The following ATXN2 variants were observed in gnomAD, a reference collection of about 807,000 sequenced individuals.
The protein encoded by ATXN2 is ataxin 2.
ATXN2 carries 37 observed loss-of-function variants against 138.6 expected under a neutral mutation model. That is an observed-to-expected ratio of 0.27 (90% CI 0.21 to 0.35). The LOEUF is 0.35. ATXN2 is among the 10% of genes least tolerant of loss of function. ATXN2 has a pLI of 1.00. For missense variants in ATXN2, 1,216 were observed against 1,480.3 expected (o/e 0.82, Z 2.93); for synonymous variants, 549 against 543.7 (o/e 1.01, Z -0.13).
intron 5 of ATXN2, among the ~76,000 whole-genome samples, chr12:111,531,279 G>A (rs1191375042): frequency 6.6e-6 from 1 of 152,042 alleles, no homozygotes; most frequent in African/African-American, 2.4e-5. Flanking sequence ...TAGGCGTGGT[G>A]GTACACGCCT....
At chr12:111,585,801 C>CAGA (rs1884291188) in intron 1 of ATXN2, among the ~76,000 whole-genome samples, 1 of 24,772 alleles carries the variant, frequency 4.0e-5, no homozygotes, top group Non-Finnish European at 1.9e-4. Context: ...AACTCCATCT[C>CAGA]AAAAAAAAAA....
intron 15 of ATXN2, among the ~76,000 whole-genome samples, chr12:111,487,927 CCAAACACCTAAGT>C (rs1157653865): frequency 6.6e-6 from 1 of 152,042 alleles, no homozygotes; most frequent in African/African-American, 2.4e-5. Flanking sequence ...TGTTTGGTAC[CCAAACACCTAAGT>C]CAATGGTAGT....
At position 111,541,800 on chromosome 12, in the gene ATXN2, A is replaced by AT. The variant is rs200306299; in HGVS notation, c.571+10479dup. Among the ~76,000 whole-genome samples the AT allele has an allele frequency of 6.7e-4, 95 of 141,626 alleles. 1 individual carries two copies. Among genetic ancestry groups the AT allele is most frequent in the Admixed American group, 1.6e-3 (22 of 13,950 alleles). 92.9% of individuals were successfully genotyped at this position (141,626 alleles called of 152,430 possible). ...GGATATATATATATATATTATAAAA[A>AT]TTTTTTTTTTTTTGAGATGGAGTCA... On this transcript the variant is annotated intron_variant, in intron 5 of 24. Transcript: ENST00000673436.
rs550499052 is a variant in ATXN2 at position 111,463,972 on chromosome 12, G to A, written c.2896+690C>T. On this transcript the variant is annotated intron_variant, in intron 21 of 24. Coordinates refer to ENST00000673436, the MANE Select transcript of ATXN2 (RefSeq NM_001372574.1). Reference sequence around the variant, plus strand: ...TGGCTGATTTTTGTATTTTTTAGTAGAGATGGAGTTTTACCATGTTGGCTA... The same window carrying A: ...TGGCTGATTTTTGTATTTTTTAGTAAAGATGGAGTTTTACCATGTTGGCTA... Among the ~76,000 whole-genome samples the A allele has an allele frequency of 6.2e-4, 95 of 152,080 alleles. 1 individual carries two copies. The highest frequency in any genetic ancestry group is 3.4e-3 in the Middle Eastern group (1 of 292).
In ATXN2 at chr12:111,599,145, C is replaced by G. The variant is rs1270920236; in HGVS notation, c.-111G>C. On this transcript the variant is annotated 5_prime_UTR_variant, in exon 1 of 25. Transcript: ENST00000673436. ...GACGCGCGGGCGCCGAGCGGGGAGG[C>G]GCGGGTTGGCGCGGCCGGAGGGGCG... 1 of 1,211,306 alleles carries G rather than the reference C, an allele frequency of 8.3e-7. No individual in the cohort carries two copies. The highest frequency in any genetic ancestry group is 1.6e-5 in the African/African-American group (1 of 62,756). 75.0% of individuals were successfully genotyped at this position (1,211,306 alleles called of 1,614,324 possible).
intron 5 of ATXN2, among the ~76,000 whole-genome samples, chr12:111,525,681 G>A (rs900716565): frequency 1.4e-5 from 2 of 139,618 alleles, no homozygotes; most frequent in East Asian, 2.8e-4. Flanking sequence ...TAAGCCACAC[G>A]AAGCATTTTT....
chr12:111,531,830 C>T (rs959064242), intron 5 of ATXN2, among the ~76,000 whole-genome samples: 3 of 152,088 alleles, frequency 2.0e-5, no homozygotes, highest in African/African-American at 4.8e-5. Context: ...AATCCATGGG[C>T]CCCTTCAATA....
intron 6 of ATXN2, 74 bp downstream of exon 6, chr12:111,525,118 C>A (rs1174145024): frequency 4.6e-6 from 7 of 1,511,682 alleles, no homozygotes; most frequent in Non-Finnish European, 5.3e-6. Context: ...AACAAAAGCA[C>A]ATTTAAATTA....
At chr12:111,554,378 T>C (rs1882279972) in intron 2 of ATXN2, among the ~76,000 whole-genome samples, 161 bp from the exon 3 acceptor site, 1 of 152,224 alleles carries the variant, frequency 6.6e-6, no homozygotes, top group African/African-American at 2.4e-5. Flanking sequence ...ATTCAAAATA[T>C]GAAATTTTGG....
intron 1 of ATXN2, among the ~76,000 whole-genome samples, chr12:111,583,766 C>CA (rs748838859): frequency 0.65 from 38,111 of 58,208 alleles, 14,216 homozygotes; most frequent in Non-Finnish European, 0.74. Context: ...GACTCCGACT[C>CA]AAAAAAAAAA....
intron 14 of ATXN2, among the ~76,000 whole-genome samples, chr12:111,490,035 T>C (rs1877918451): frequency 6.7e-6 from 1 of 148,326 alleles, no homozygotes; most frequent in African/African-American, 2.5e-5. Context: ...AAACTCCGTC[T>C]CTACTAAAGA....
At chr12:111,473,419 T>C (rs143103166) in intron 18 of ATXN2, among the ~76,000 whole-genome samples, 147 of 152,212 alleles carry the variant, frequency 9.7e-4, no homozygotes, top group African/African-American at 3.1e-3. Flanking sequence ...AGGGAAATGA[T>C]TAACATTTTA....
At position 111,555,905 on chromosome 12, in the gene ATXN2, T is replaced by C. The variant is rs771934121; in HGVS notation, c.266A>G (p.Asn89Ser). The change falls in exon 2 of 25, where the codon AAC (asparagine) becomes AGC (serine). Residue 89 changes from asparagine (N) to serine (S), a missense_variant. Asn to Ser is a conservative substitution (Grantham distance 46). Coordinates refer to ENST00000673436, the MANE Select transcript of ATXN2 (RefSeq NM_001372574.1). ...RPGLGRGRNS[N>S]KGLPQSTISF... ...CACCGTAGACTGAGGCAGTCCTTTG[T>C]TACTGTTTCGACCTCTGAAAAGATT... The C allele has an allele frequency of 3.7e-6, 6 of 1,603,680 alleles. No homozygotes were observed. The Admixed American group carries it at 5.1e-5, about 14-fold the overall frequency.
intron 14 of ATXN2, among the ~76,000 whole-genome samples, chr12:111,493,989 G>A (rs1878232204): frequency 6.6e-6 from 1 of 151,932 alleles, no homozygotes. Flanking sequence ...GGAGTGCAGT[G>A]GCGCACTCTC....
At chr12:111,494,095 A>G (rs894763393) in intron 14 of ATXN2, among the ~76,000 whole-genome samples, 47 of 151,612 alleles carry the variant, frequency 3.1e-4, no homozygotes, top group Non-Finnish European at 5.9e-4. Context: ...ATGTCCGGCT[A>G]ATTTTTCTAT....
intron 6 of ATXN2, among the ~76,000 whole-genome samples, chr12:111,524,550 C>A (rs976171583): frequency 1.3e-5 from 2 of 152,172 alleles, no homozygotes; most frequent in Admixed American, 1.3e-4. Context: ...CCTGCTTCAG[C>A]CTCCCAAGTA....
chr12:111,581,528 G>A (rs1162782451), intron 1 of ATXN2: 8 of 1,010,252 alleles, frequency 7.9e-6, no homozygotes, highest in African/African-American at 1.6e-5. Context: ...CATCCACAGC[G>A]AGAACTCCGT....
intron 5 of ATXN2, among the ~76,000 whole-genome samples, chr12:111,529,736 C>T (rs917957014): frequency 3.3e-5 from 5 of 152,208 alleles, no homozygotes; most frequent in African/African-American, 1.2e-4. Context: ...TCCTCTTTTA[C>T]CTCTGAGCCA....
intron 14 of ATXN2, among the ~76,000 whole-genome samples, chr12:111,500,356 A>C (rs1878683440): frequency 6.6e-6 from 1 of 152,242 alleles, no homozygotes; most frequent in Non-Finnish European, 1.5e-5. Flanking sequence ...AAAATAAGCC[A>C]GGGACAGAAA....
Sources: allele counts gnomAD v4.1 joint callset (sites outside exome capture counted in the v4.1 genomes callset), GRCh38; gene constraint gnomAD v4.1.1; transcripts MANE v1.5; gene names NCBI Gene and HGNC (gene_info 2026-07-23, HGNC 2026-07-21).